The following NPR3 variants were observed in gnomAD, a reference collection of about 807,000 sequenced individuals.
NPR3 encodes natriuretic peptide receptor 3.
NPR3 carries 34 observed loss-of-function variants against 54.5 expected under a neutral mutation model. The observed-to-expected ratio is 0.62, with a 90% CI of 0.47 to 0.83. NPR3 has a LOEUF of 0.83. NPR3 is among the 40% of genes least tolerant of loss of function. The pLI is 0.00. For missense variants in NPR3, 674 were observed against 720.8 expected, an observed-to-expected ratio of 0.94 and a Z score of 0.74; for synonymous variants, 289 against 297.1, an observed-to-expected ratio of 0.97 and a Z score of 0.28.
chr5:32,715,957 T>C (rs538181877), intron 1 of NPR3, among the ~76,000 whole-genome samples: 2 of 152,284 alleles, frequency 1.3e-5, no homozygotes, highest in East Asian at 3.9e-4. Context: ...TAGTCTGGGG[T>C]AAATGACCGA....
intron 2 of NPR3, among the ~76,000 whole-genome samples, chr5:32,725,505 G>A (rs1230529687): frequency 1.3e-5 from 2 of 152,128 alleles, no homozygotes; most frequent in Non-Finnish European, 2.9e-5. Context: ...ACTCCAAATG[G>A]TCATAAATCC....
chr5:32,733,383 A>T (rs966998986), intron 2 of NPR3, among the ~76,000 whole-genome samples: 2 of 152,208 alleles, frequency 1.3e-5, no homozygotes, highest in Non-Finnish European at 2.9e-5. Flanking sequence ...TAGAAAGAAG[A>T]TAATATATAT....
chr5:32,716,390 G>A (rs1419271362), intron 1 of NPR3: 3 of 447,404 alleles, frequency 6.7e-6, no homozygotes, highest in Non-Finnish European at 1.3e-5. Flanking sequence ...TCAGTTTTAG[G>A]TCTTATCTGT....
chr5:32,750,982 A>T (rs1192577440), intron 3 of NPR3, among the ~76,000 whole-genome samples: 1 of 152,116 alleles, frequency 6.6e-6, no homozygotes, highest in Non-Finnish European at 1.5e-5. Flanking sequence ...TTATGTCTGG[A>T]GCTGTTTCCT....
At chr5:32,769,403 T>C (rs1741636890) in intron 3 of NPR3, among the ~76,000 whole-genome samples, 1 of 152,136 alleles carries the variant, frequency 6.6e-6, no homozygotes, top group Non-Finnish European at 1.5e-5. Flanking sequence ...TCAATTCAGG[T>C]CAGAGAAGGT....
At chr5:32,712,605 C>CT in intron 1 of NPR3, 60 bp downstream of exon 1, 1 of 1,457,492 alleles carries the variant, frequency 6.9e-7, no homozygotes, top group Non-Finnish European at 9.1e-7. Context: ...GCGGCTCTCC[C>CT]TGCACACTCG....
chr5:32,736,343 A>T (rs941796434), intron 2 of NPR3, among the ~76,000 whole-genome samples: 1 of 152,176 alleles, frequency 6.6e-6, no homozygotes, highest in African/African-American at 2.4e-5. Context: ...TGCAAATTAA[A>T]AAAAGTTTTT....
chr5:32,763,157 T>A (rs1252853733), intron 3 of NPR3, among the ~76,000 whole-genome samples: 3 of 152,222 alleles, frequency 2.0e-5, no homozygotes, highest in African/African-American at 7.2e-5. Context: ...TGTGGTGTTA[T>A]TTCTGAGGCC....
At chr5:32,700,561 G>A (rs952500753) in intron 1 of NPR3, among the ~76,000 whole-genome samples, 2 of 123,002 alleles carry the variant, frequency 1.6e-5, no homozygotes, top group Non-Finnish European at 1.7e-5. Flanking sequence ...CCCACCCCCC[G>A]ACAGGCCCTG....
intron 1 of NPR3, chr5:32,716,367 A>G (rs1198526483): frequency 2.4e-6 from 1 of 412,016 alleles, no homozygotes; most frequent in Non-Finnish European, 4.7e-6. Flanking sequence ...ATAACATGCT[A>G]CTTTTTTTTT....
At chr5:32,697,700 C>A (rs1252333717) in intron 1 of NPR3, among the ~76,000 whole-genome samples, 1 of 152,026 alleles carries the variant, frequency 6.6e-6, no homozygotes, top group Admixed American at 6.5e-5. Flanking sequence ...TTTTGGATTT[C>A]TTCATGGTTC....
chr5:32,700,026 C>T (rs926938115), intron 1 of NPR3, among the ~76,000 whole-genome samples: 2 of 152,202 alleles, frequency 1.3e-5, no homozygotes, highest in Non-Finnish European at 2.9e-5. Flanking sequence ...GCTACTCTCT[C>T]CTGGCCTGTA....
chr5:32,712,666 C>G, intron 1 of NPR3, 121 bp downstream of exon 1: 1 of 948,006 alleles, frequency 1.1e-6, no homozygotes, highest in Non-Finnish European at 1.6e-6. Context: ...CGGGTGCGCG[C>G]GGGCACTCGT....
At chr5:32,719,875 A>G (rs1167469523) in intron 1 of NPR3, among the ~76,000 whole-genome samples, 4 of 149,562 alleles carry the variant, frequency 2.7e-5, no homozygotes. Context: ...TTGGTATCAC[A>G]TTTTCAGTGT....
intron 2 of NPR3, among the ~76,000 whole-genome samples, chr5:32,731,748 C>A (rs1010554358): frequency 6.6e-6 from 1 of 152,116 alleles, no homozygotes; most frequent in Non-Finnish European, 1.5e-5. Flanking sequence ...ATCCCAAGGA[C>A]CTCGGTGCAT....
At chr5:32,751,499 T>C (rs1266188691) in intron 3 of NPR3, among the ~76,000 whole-genome samples, 1 of 152,210 alleles carries the variant, frequency 6.6e-6, no homozygotes, top group African/African-American at 2.4e-5. Context: ...GTAAATGCTG[T>C]TTTTATTTCT....
chr5:32,766,554 C>T (rs1741482533), intron 3 of NPR3, among the ~76,000 whole-genome samples: 1 of 152,120 alleles, frequency 6.6e-6, no homozygotes, highest in African/African-American at 2.4e-5. Context: ...CATTAAGGAA[C>T]CTGGAAAATT....
At chr5:32,701,571 G>T (rs1216900033) in intron 1 of NPR3, among the ~76,000 whole-genome samples, 2 of 152,182 alleles carry the variant, frequency 1.3e-5, no homozygotes. Context: ...ATGCTTGTGG[G>T]TGTTTGTCAG....
chr5:32,771,552 G>T (rs1741762703), intron 3 of NPR3, among the ~76,000 whole-genome samples: 1 of 152,176 alleles, frequency 6.6e-6, no homozygotes, highest in African/African-American at 2.4e-5. Context: ...AAGGGGAAGG[G>T]CTATACAGGA....
Sources: gnomAD v4.1 joint callset for allele counts (sites outside exome capture counted in the v4.1 genomes callset) on GRCh38, gnomAD v4.1.1 for gene constraint, MANE v1.5 for transcripts, NCBI Gene and HGNC (gene_info 2026-07-23, HGNC 2026-07-21) for gene names.